Variants in ARID4B observed in about 807,000 individuals in gnomAD.
The protein encoded by ARID4B is AT-rich interactive domain-containing protein 4B.
In ARID4B, 26 loss-of-function variants were observed where a neutral mutation model predicts 147.5. That is an observed-to-expected ratio of 0.18 (90% CI 0.13 to 0.24). The LOEUF (loss-of-function observed/expected upper bound fraction) is 0.24, where lower values mean the gene tolerates loss of function less well. ARID4B is among the 10% of genes least tolerant of loss of function. ARID4B has a pLI of 1.00. For missense variants in ARID4B, 1,179 were observed against 1,511.5 expected, an observed-to-expected ratio of 0.78 and a Z score of 3.65; for synonymous variants, 512 against 507.9, an observed-to-expected ratio of 1.01 and a Z score of -0.11.
At chr1:235,175,526 G>A in intron 21 of ARID4B, 127 bp from the exon 22 acceptor site, 1 of 717,960 alleles carries the variant, frequency 1.4e-6, no homozygotes. Context: ...TAGAAACCTG[G>A]AAAATCATAT....
chr1:235,240,864 G>C (rs1447312825), intron 7 of ARID4B, among the ~76,000 whole-genome samples: 1 of 152,276 alleles, frequency 6.6e-6, no homozygotes, highest in South Asian at 2.1e-4. Flanking sequence ...AAAGGTAGGA[G>C]AGCAGACCTT....
Position 235,200,752 on chromosome 1 carries a change from A to C in ARID4B, c.1842-4637T>G, listed in dbSNP as rs115583524. 1.5e-3 allele frequency among the ~76,000 whole-genome samples: 226 copies of C among 152,338 alleles called. 1 individual carries two copies. Among genetic ancestry groups the C allele is most frequent in the African/African-American group, 5.2e-3 (218 of 41,582 alleles). On this transcript the variant is annotated intron_variant, in intron 17 of 23. Coordinates refer to ENST00000264183, the MANE Select transcript of ARID4B (RefSeq NM_016374.6). ...ATTTAGTATATATTAAAAAGAGACA[A>C]CACCAAATTTACCTTAGACATAATA...
intron 10 of ARID4B, among the ~76,000 whole-genome samples, chr1:235,230,187 G>A (rs571329681): frequency 4.5e-4 from 68 of 152,172 alleles, no homozygotes; most frequent in African/African-American, 1.4e-3. Flanking sequence ...AGGCCAAGGC[G>A]GGTGGACTGC....
intron 5 of ARID4B, among the ~76,000 whole-genome samples, chr1:235,255,224 T>TATATATATAG (rs781576500): frequency 7.9e-5 from 8 of 100,978 alleles, no homozygotes; most frequent in African/African-American, 1.8e-4. Flanking sequence ...GGGAGCTAGA[T>TATATATATAG]AGATAGATAG....
At chr1:235,200,422 C>T (rs878952572) in intron 17 of ARID4B, among the ~76,000 whole-genome samples, 3 of 152,000 alleles carry the variant, frequency 2.0e-5, no homozygotes, top group Non-Finnish European at 2.9e-5. Context: ...TCGCATGCCA[C>T]GGTACCCTAG....
chr1:235,222,975 G>A (rs1667571153), intron 13 of ARID4B, among the ~76,000 whole-genome samples, 191 bp downstream of exon 13: 1 of 152,064 alleles, frequency 6.6e-6, no homozygotes, highest in African/African-American at 2.4e-5. Flanking sequence ...GAGCCACCAT[G>A]CCTGGCCTAA....
intron 19 of ARID4B, among the ~76,000 whole-genome samples, chr1:235,185,474 G>A (rs564825754): frequency 6.6e-6 from 1 of 152,218 alleles, no homozygotes; most frequent in East Asian, 1.9e-4. Flanking sequence ...TAGCATCTGG[G>A]TGGTATCTCT....
chr1:235,261,157 G>C (rs1670271444), intron 2 of ARID4B, among the ~76,000 whole-genome samples: 1 of 152,076 alleles, frequency 6.6e-6, no homozygotes, highest in African/African-American at 2.4e-5. Context: ...CTAATATTTA[G>C]GCTGTATCTT....
At chr1:235,211,219 T>C (rs1013547236) in intron 17 of ARID4B, among the ~76,000 whole-genome samples, 8 of 151,992 alleles carry the variant, frequency 5.3e-5, no homozygotes, top group Non-Finnish European at 1.2e-4. Flanking sequence ...CTATCTCAGC[T>C]ACTCAGGAGA....
rs1296679716 is a variant in ARID4B at position 235,167,096 on chromosome 1, A to G, written c.*1429T>C. ...GAATAACTTGAAACCATTTTCAACAAAATTAGTTACTGTAAGCACACACTA... is the reference window on the plus strand; with the variant it reads ...GAATAACTTGAAACCATTTTCAACAGAATTAGTTACTGTAAGCACACACTA... On this transcript the variant is annotated 3_prime_UTR_variant, in exon 24 of 24. Transcript: ENST00000264183. The G allele has an allele frequency of 5.3e-6, 1 of 188,990 alleles. No homozygotes were observed. Among genetic ancestry groups the G allele is most frequent in the East Asian group, 8.5e-5 (1 of 11,794 alleles). 11.7% of individuals were successfully genotyped at this position (188,990 alleles called of 1,614,324 possible). A position where few individuals can be genotyped will look rare whatever the true frequency, so the allele number is the denominator to read the frequency against.
chr1:235,280,054 G>C (rs1671568836), intron 2 of ARID4B, among the ~76,000 whole-genome samples: 1 of 152,092 alleles, frequency 6.6e-6, no homozygotes, highest in Non-Finnish European at 1.5e-5. Context: ...ACTGAGTCCT[G>C]TGAGCGCACC....
At chr1:235,234,612 G>C in intron 8 of ARID4B, 120 bp from the exon 9 acceptor site, 1 of 651,978 alleles carries the variant, frequency 1.5e-6, no homozygotes, top group East Asian at 2.9e-5. Context: ...TTTAGTTTGA[G>C]GGTAAACAGG....
intron 5 of ARID4B, 81 bp downstream of exon 5, chr1:235,255,579 C>A: frequency 1.2e-6 from 1 of 862,940 alleles, no homozygotes; most frequent in East Asian, 2.8e-5. Context: ...AGAAGTGAAT[C>A]CAGGAAATTT....
At chr1:235,171,510 TA>T (rs1663360761) in intron 23 of ARID4B, among the ~76,000 whole-genome samples, 1 of 152,238 alleles carries the variant, frequency 6.6e-6, no homozygotes, top group Admixed American at 6.5e-5. Flanking sequence ...GGATTTTTCT[TA>T]AAATAGTATT....
chr1:235,216,948 A>G (rs1198564159), intron 16 of ARID4B, among the ~76,000 whole-genome samples: 1 of 152,118 alleles, frequency 6.6e-6, no homozygotes, highest in African/African-American at 2.4e-5. Flanking sequence ...TCAAAATTCT[A>G]AATTTTTTGA....
intron 7 of ARID4B, among the ~76,000 whole-genome samples, chr1:235,245,538 T>C (rs957214655): frequency 1.3e-5 from 2 of 152,166 alleles, no homozygotes; most frequent in African/African-American, 2.4e-5. Context: ...CTATTTTTCC[T>C]ATAATATATA....
At chr1:235,309,352 C>T (rs1323163717) in intron 2 of ARID4B, among the ~76,000 whole-genome samples, 4 of 134,560 alleles carry the variant, frequency 3.0e-5, no homozygotes, top group South Asian at 2.6e-4. Flanking sequence ...GGAGCCCCTC[C>T]GCCCGGCAAC....
intron 2 of ARID4B, among the ~76,000 whole-genome samples, chr1:235,319,208 T>A (rs1674648387): frequency 6.6e-6 from 1 of 152,158 alleles, no homozygotes; most frequent in Admixed American, 6.5e-5. Context: ...TACTAGAAAT[T>A]TATGAACACT....
chr1:235,307,823 T>G (rs1182374329), intron 2 of ARID4B, among the ~76,000 whole-genome samples: 1 of 152,138 alleles, frequency 6.6e-6, no homozygotes, highest in Non-Finnish European at 1.5e-5. Context: ...ATTTTCTAAT[T>G]TATAATACTA....
Sources: allele counts gnomAD v4.1 joint callset (sites outside exome capture counted in the v4.1 genomes callset), GRCh38; gene constraint gnomAD v4.1.1; transcripts MANE v1.5; gene names NCBI Gene and HGNC (gene_info 2026-07-23, HGNC 2026-07-21).